Variants in CTBP2 observed in about 807,000 individuals in gnomAD.
The protein encoded by CTBP2 is C-terminal binding protein 2.
A neutral mutation model predicts 80.3 loss-of-function variants in CTBP2; 30 were observed. The ratio of observed to expected loss-of-function variants is 0.37; its 90% CI spans 0.28 to 0.51. CTBP2 has a LOEUF of 0.51. Ranked by LOEUF, CTBP2 falls within the 20% of genes least tolerant of loss-of-function variation. The pLI is 0.93. For missense variants in CTBP2, 1,212 were observed against 1,375.3 expected (o/e 0.88, Z 1.88); for synonymous variants, 594 against 587.4 (o/e 1.01, Z -0.16).
chr10:125,147,525 G>A (rs1030237786), intron 1 of CTBP2, among the ~76,000 whole-genome samples: 8 of 152,114 alleles, frequency 5.3e-5, no homozygotes, highest in Admixed American at 5.2e-4. Flanking sequence ...GAAAGAAGAC[G>A]GCTGCTCCCA....
intron 1 of CTBP2, among the ~76,000 whole-genome samples, chr10:125,025,860 AG>A (rs1957478876): frequency 6.6e-6 from 1 of 152,240 alleles, no homozygotes; most frequent in African/African-American, 2.4e-5. Context: ...AAAGAACAGG[AG>A]GGCACTGCTG....
In CTBP2 at chr10:125,001,785, T is replaced by C. The variant is rs181927185; in HGVS notation, c.1978+1175A>G. On this transcript the variant is annotated intron_variant, in intron 3 of 8. Transcript: ENST00000309035. ...CTGACACCAAGACCCACCCAGTGCT[T>C]CCGGTACCTGGGTGCTGCCCCGACT... 1.6e-3 allele frequency among the ~76,000 whole-genome samples: 238 copies of C among 152,294 alleles called. 1 individual carries two copies. The highest frequency in any genetic ancestry group is 7.3e-3 in the Admixed American group (112 of 15,304).
intron 1 of CTBP2, among the ~76,000 whole-genome samples, chr10:125,005,370 G>A (rs1174854180): frequency 2.0e-5 from 3 of 152,134 alleles, no homozygotes; most frequent in African/African-American, 7.2e-5. Flanking sequence ...TGCACCTGAC[G>A]CTCAGACACC....
upstream of CTBP2, chr10:125,160,969 G>C (rs917420980): frequency 1.3e-5 from 2 of 151,306 alleles, no homozygotes; most frequent in East Asian, 4.0e-4. Context: ...AAGGAAAGAA[G>C]CGGCGCTGGC....
rs1481384413 is a variant in CTBP2, at chr10:124,987,574, G to A, written c.*1944C>T. On this transcript the variant is annotated 3_prime_UTR_variant, in exon 9 of 9. Transcript: ENST00000309035. ...CATTGCCTCTTTGATGAGTGGTTAC[G>A]AAGACGTTAAACTACCTTTTTGTTC... 1 of 152,046 alleles carries A rather than the reference G, an allele frequency of 6.6e-6. No homozygotes were observed. Among genetic ancestry groups the A allele is most frequent in the Admixed American group, 6.6e-5 (1 of 15,242 alleles). 9.4% of individuals were successfully genotyped at this position (152,046 alleles called of 1,614,324 possible).
At chr10:125,152,053 G>A (rs1040390410) in intron 1 of CTBP2, among the ~76,000 whole-genome samples, 13 of 152,126 alleles carry the variant, frequency 8.5e-5, no homozygotes, top group African/African-American at 3.1e-4. Flanking sequence ...CCCGCGGAGG[G>A]GCCAGGGTGG....
At chr10:125,048,641 C>T (rs1355133770) in intron 2 of CTBP2, among the ~76,000 whole-genome samples, 2 of 152,102 alleles carry the variant, frequency 1.3e-5, no homozygotes, top group African/African-American at 4.8e-5. Flanking sequence ...GTCCCCGACC[C>T]CAGGGAGCCA....
intron 2 of CTBP2, among the ~76,000 whole-genome samples, chr10:125,103,904 T>C (rs566542825): frequency 6.6e-6 from 1 of 152,090 alleles, no homozygotes; most frequent in South Asian, 2.1e-4. Context: ...TCCCCCTACA[T>C]CCCTGAGGAA....
At chr10:125,057,175 C>T (rs887308518) in intron 2 of CTBP2, among the ~76,000 whole-genome samples, 2 of 152,166 alleles carry the variant, frequency 1.3e-5, no homozygotes, top group South Asian at 2.1e-4. Flanking sequence ...GAGACAAAAC[C>T]GATGAAAACG....
At chr10:125,052,368 C>A (rs1194043800) in intron 2 of CTBP2, among the ~76,000 whole-genome samples, 1 of 152,246 alleles carries the variant, frequency 6.6e-6, no homozygotes, top group Non-Finnish European at 1.5e-5. Flanking sequence ...GGTCCCAGAG[C>A]TGACCCCCAC....
intron 2 of CTBP2, among the ~76,000 whole-genome samples, chr10:125,058,706 C>A (rs1041108760): frequency 6.6e-6 from 1 of 152,068 alleles, no homozygotes; most frequent in Non-Finnish European, 1.5e-5. Context: ...ACTAGCCCGG[C>A]CAACATGACG....
intron 1 of CTBP2, among the ~76,000 whole-genome samples, chr10:125,114,687 A>C (rs1852906567): frequency 6.6e-6 from 1 of 151,956 alleles, no homozygotes; most frequent in Non-Finnish European, 1.5e-5. Flanking sequence ...CGTCTGAGAA[A>C]CTCTGGTGTG....
chr10:125,015,538 C>G (rs1956385198), intron 1 of CTBP2, among the ~76,000 whole-genome samples: 1 of 152,244 alleles, frequency 6.6e-6, no homozygotes, highest in African/African-American at 2.4e-5. Context: ...CCGTCCACTC[C>G]CGGTCTTGCA....
rs751657386 is a variant in CTBP2, at chr10:124,984,956, T to C, written c.*4562A>G. On this transcript the variant is annotated 3_prime_UTR_variant, in exon 9 of 9. Transcript: ENST00000309035. Reference sequence around the variant, plus strand: ...AGATCCGGCCGTGTACATCCCTGTCTGATGGAGAGGAAGATGAGGATGATG... The same window carrying C: ...AGATCCGGCCGTGTACATCCCTGTCCGATGGAGAGGAAGATGAGGATGATG... 3.1e-6 allele frequency: 5 copies of C among 1,613,316 alleles called. No homozygotes were observed. The highest frequency in any genetic ancestry group is 3.4e-6 in the Non-Finnish European group (4 of 1,179,876).
chr10:125,103,061 C>A (rs1463286229), intron 2 of CTBP2, among the ~76,000 whole-genome samples: 1 of 152,226 alleles, frequency 6.6e-6, no homozygotes, highest in East Asian at 1.9e-4. Context: ...CATGACTTCA[C>A]TTCCCTGCGG....
chr10:125,125,664 T>C (rs1233378214), intron 1 of CTBP2, among the ~76,000 whole-genome samples: 1 of 152,226 alleles, frequency 6.6e-6, no homozygotes, highest in Non-Finnish European at 1.5e-5. Context: ...ATAGAGTGAA[T>C]GGGACACTCA....
intron 1 of CTBP2, among the ~76,000 whole-genome samples, chr10:125,122,418 A>C (rs950531514): frequency 1.3e-5 from 2 of 152,216 alleles, no homozygotes; most frequent in African/African-American, 4.8e-5. Flanking sequence ...TTGTAATTTT[A>C]CAGTTTTCAC....
At chr10:125,115,540 C>A (rs1853104704) in intron 1 of CTBP2, among the ~76,000 whole-genome samples, 1 of 152,106 alleles carries the variant, frequency 6.6e-6, no homozygotes, top group East Asian at 1.9e-4. Context: ...GTGGTCAGGC[C>A]CTTTGAAAGA....
At chr10:125,112,983 C>G (rs1310504082) in intron 1 of CTBP2, among the ~76,000 whole-genome samples, 2 of 152,196 alleles carry the variant, frequency 1.3e-5, no homozygotes, top group Admixed American at 1.3e-4. Flanking sequence ...AGCTCCTGCT[C>G]CACACCTAGA....
Sources: allele counts gnomAD v4.1 joint callset (sites outside exome capture counted in the v4.1 genomes callset), GRCh38; gene constraint gnomAD v4.1.1; transcripts MANE v1.5; gene names NCBI Gene and HGNC (gene_info 2026-07-23, HGNC 2026-07-21).